TEX2: variants seen among roughly 807,000 people sequenced by gnomAD.
The protein encoded by TEX2 is testis-expressed protein 2.
A neutral mutation model predicts 106.9 loss-of-function variants in TEX2; 53 were observed. That is an observed-to-expected ratio of 0.50 (90% CI 0.40 to 0.62). The LOEUF (loss-of-function observed/expected upper bound fraction) is 0.62. TEX2 is among the 20% of genes least tolerant of loss of function. The pLI is 0.00. For missense variants in TEX2, 1,207 were observed against 1,379.0 expected, an observed-to-expected ratio of 0.88 and a Z score of 1.98; for synonymous variants, 523 against 534.8, an observed-to-expected ratio of 0.98 and a Z score of 0.30.
intron 10 of TEX2, 85 bp downstream of exon 10, chr17:64,152,860 A>T: frequency 7.1e-7 from 1 of 1,399,284 alleles, no homozygotes; most frequent in Admixed American, 2.2e-5. Flanking sequence ...GGTACTTTCC[A>T]TAACCTCAAG....
intron 6 of TEX2, among the ~76,000 whole-genome samples, chr17:64,174,042 T>C (rs1377734618): frequency 1.3e-5 from 2 of 152,088 alleles, no homozygotes; most frequent in Non-Finnish European, 2.9e-5. Context: ...AGACAGGGTC[T>C]TACTATGTTG....
chr17:64,218,742 G>A (rs1555632938), intron 1 of TEX2, among the ~76,000 whole-genome samples: 1 of 152,218 alleles, frequency 6.6e-6, no homozygotes, highest in East Asian at 1.9e-4. Flanking sequence ...AGCCTCCTGA[G>A]CAGAAGTCAA....
At chr17:64,231,914 G>A (rs1226598152) in intron 1 of TEX2, among the ~76,000 whole-genome samples, 7 of 152,202 alleles carry the variant, frequency 4.6e-5, no homozygotes, top group African/African-American at 1.7e-4. Context: ...CACAGCAGGT[G>A]TGAGCACATC....
At chr17:64,230,057 T>C (rs2033620862) in intron 1 of TEX2, among the ~76,000 whole-genome samples, 2 of 152,218 alleles carry the variant, frequency 1.3e-5, no homozygotes, top group Admixed American at 1.3e-4. Context: ...TATTTATAGG[T>C]AAGGCATCTG....
At chr17:64,238,877 A>G (rs1306973566) in intron 1 of TEX2, among the ~76,000 whole-genome samples, 1 of 152,364 alleles carries the variant, frequency 6.6e-6, no homozygotes, top group African/African-American at 2.4e-5. Flanking sequence ...AAATGAGCAA[A>G]GCAGGGTCTT....
intron 1 of TEX2, among the ~76,000 whole-genome samples, chr17:64,237,214 G>A (rs1460824264): frequency 6.6e-6 from 1 of 152,082 alleles, no homozygotes; most frequent in East Asian, 1.9e-4. Flanking sequence ...CCAGAAACAA[G>A]AAGGGTAAGA....
At chr17:64,234,398 T>A (rs2143340841) in intron 1 of TEX2, among the ~76,000 whole-genome samples, 2 of 152,268 alleles carry the variant, frequency 1.3e-5, no homozygotes, top group South Asian at 4.1e-4. Context: ...TGTTGTTGGG[T>A]TTTTTTCTTC....
At chr17:64,161,054 A>G in intron 7 of TEX2, 121 bp from the exon 8 acceptor site, 10 of 1,066,310 alleles carry the variant, frequency 9.4e-6, no homozygotes, top group Non-Finnish European at 1.3e-5. Flanking sequence ...ATCGTCTACT[A>G]CTCTAGTTGA....
At chr17:64,197,985 T>G (rs2032533290) in intron 2 of TEX2, among the ~76,000 whole-genome samples, 1 of 152,226 alleles carries the variant, frequency 6.6e-6, no homozygotes, top group Admixed American at 6.5e-5. Context: ...TATGACTTTA[T>G]CTTTAGGCCC....
At chr17:64,202,440 A>T (rs1324988911) in intron 2 of TEX2, among the ~76,000 whole-genome samples, 1 of 152,232 alleles carries the variant, frequency 6.6e-6, no homozygotes, top group Non-Finnish European at 1.5e-5. Context: ...TCTTGCAGAA[A>T]GCAATTTCCC....
At chr17:64,241,385 T>C (rs1555635768) in intron 1 of TEX2, among the ~76,000 whole-genome samples, 1 of 152,048 alleles carries the variant, frequency 6.6e-6, no homozygotes, top group Non-Finnish European at 1.5e-5. Context: ...TATGGCTGGG[T>C]CTCTCTCTCA....
intron 1 of TEX2, among the ~76,000 whole-genome samples, chr17:64,256,720 C>T (rs942013691): frequency 9.9e-5 from 15 of 152,170 alleles, no homozygotes; most frequent in African/African-American, 3.4e-4. Context: ...GTTTTGCTCC[C>T]CATCAGATTT....
intron 5 of TEX2, among the ~76,000 whole-genome samples, chr17:64,182,973 T>A (rs2031939107): frequency 1.3e-5 from 2 of 151,552 alleles, no homozygotes; most frequent in Non-Finnish European, 2.9e-5. Context: ...TGGTGTGATC[T>A]CGGCTCACTG....
intron 2 of TEX2, among the ~76,000 whole-genome samples, chr17:64,196,982 A>ATTTTTTTTTTTTTTTTTTTTTT (rs59960456): frequency 1.6e-5 from 1 of 63,568 alleles, no homozygotes; most frequent in Non-Finnish European, 2.9e-5. Context: ...TCAAATCAAG[A>ATTTTTTTTTTTTTTTTTTTTTT]TTTTTTTTTT....
rs2032160773 is a variant in TEX2, at chr17:64,188,366, G to C, written c.2226C>G (p.Thr742=). The C allele has an allele frequency of 1.2e-6, 2 of 1,614,196 alleles. No individual in the cohort carries two copies. Among genetic ancestry groups the C allele is most frequent in the Non-Finnish European group, 1.7e-6 (2 of 1,180,022 alleles). ...TGCCTTTGCTGCTGCTGCGGCTGTGGGTCAGGTGCCCGGACGGACTGTTGT... is the reference window on the plus strand; with the variant it reads ...TGCCTTTGCTGCTGCTGCGGCTGTGCGTCAGGTGCCCGGACGGACTGTTGT... ...SRHNSPSGHL[T]HSRSSSKGSV... The change falls in exon 5 of 12, where the codon ACC becomes ACG. Residue 742 remains threonine, a synonymous_variant. Transcript: ENST00000584379.
chr17:64,205,145 C>T lies in TEX2; in HGVS notation c.1644+7429G>A, dbSNP rs924879702. Among the ~76,000 whole-genome samples, 2 of 152,126 alleles carry T rather than the reference C, an allele frequency of 1.3e-5. No homozygotes were observed. Among genetic ancestry groups the T allele is most frequent in the African/African-American group, 4.8e-5 (2 of 41,424 alleles). The stretch of plus-strand genomic sequence containing the variant: ...GGTACCTTCTGGTAAGTGAGGGCTG[C>T]CTGCATCAAAACATCTCACTGATTA... On this transcript the variant is annotated intron_variant, in intron 2 of 11. Coordinates refer to ENST00000584379, the MANE Select transcript of TEX2 (RefSeq NM_001288732.2). This position sits in a 1 kb window ranked among gnomAD's most constrained non-coding sequence, Gnocchi z 4.0.
chr17:64,172,811 G>C (rs1868801435), intron 6 of TEX2, among the ~76,000 whole-genome samples: 1 of 152,044 alleles, frequency 6.6e-6, no homozygotes, highest in African/African-American at 2.4e-5. Flanking sequence ...TTCCTGCTGG[G>C]ACCCTGACTA....
chr17:64,226,911 A>T (rs1463829582), intron 1 of TEX2, among the ~76,000 whole-genome samples: 2 of 152,124 alleles, frequency 1.3e-5, no homozygotes, highest in African/African-American at 4.8e-5. Context: ...GGAAAACTCA[A>T]GGAGACAACA....
intron 1 of TEX2, among the ~76,000 whole-genome samples, chr17:64,235,773 A>G (rs2033753411): frequency 6.6e-6 from 1 of 152,204 alleles, no homozygotes; most frequent in African/African-American, 2.4e-5. Flanking sequence ...ACATAAGTAA[A>G]TGTTCTACTA....
Sources: allele counts gnomAD v4.1 joint callset (sites outside exome capture counted in the v4.1 genomes callset), GRCh38; gene constraint gnomAD v4.1.1; non-coding constraint Gnocchi (gnomAD v3.1); transcripts MANE v1.5; gene names NCBI Gene and HGNC (gene_info 2026-07-23, HGNC 2026-07-21).